Variants in XDH observed in about 807,000 individuals in gnomAD.
XDH encodes xanthine dehydrogenase.
In XDH, 138 loss-of-function variants were observed where a neutral mutation model predicts 156.1. That is an observed-to-expected ratio of 0.88 (90% confidence interval 0.77 to 1.02). XDH has a LOEUF of 1.02. XDH is among the 50% of genes least tolerant of loss of function. XDH has a pLI of 0.00. For synonymous variants in XDH, 669 were observed against 625.7 expected (o/e 1.07, Z -1.03); for missense variants, 1,849 against 1,684.9 (o/e 1.10, Z -1.71).
At chr2:31,406,206 C>G (rs1687188392) in intron 1 of XDH, among the ~76,000 whole-genome samples, 1 of 152,134 alleles carries the variant, frequency 6.6e-6, no homozygotes, top group Non-Finnish European at 1.5e-5. Flanking sequence ...GTGCCATCCC[C>G]TTAGTTGTGA....
intron 6 of XDH, among the ~76,000 whole-genome samples, chr2:31,393,931 A>G (rs895860777): frequency 6.6e-6 from 1 of 150,580 alleles, no homozygotes; most frequent in Non-Finnish European, 1.5e-5. Flanking sequence ...AATATTTCTA[A>G]TTTTTCCCTC....
chr2:31,359,716 T>C (rs559464501), intron 24 of XDH, among the ~76,000 whole-genome samples: 50 of 152,294 alleles, frequency 3.3e-4, no homozygotes, highest in Admixed American at 9.8e-4. Context: ...AGAGGAGATA[T>C]TGGGGAAGAC....
intron 33 of XDH, among the ~76,000 whole-genome samples, chr2:31,340,672 G>T (rs920879628): frequency 1.3e-5 from 2 of 152,084 alleles, no homozygotes; most frequent in Non-Finnish European, 2.9e-5. Context: ...GTTTCGCCAT[G>T]TTGTCCAAGC....
chr2:31,378,175 G>C (rs2749998), intron 13 of XDH, among the ~76,000 whole-genome samples: 2,745 of 71,512 alleles, frequency 0.038, 268 homozygotes, highest in East Asian at 0.13. Context: ...AGGAAGGAAG[G>C]AAGCAAGCAA....
At position 31,350,061 on chromosome 2, in the gene XDH, C is replaced by T. The variant is rs141291583; in HGVS notation, c.2794G>A (p.Ala932Thr). ...LIAECWMSEV[A>T]VTCGMPAEEV... is the part of the protein sequence containing the mutation. ...TCTGCAGGCATCCCACAGGTCACTG[C>T]AACTTCACTCATCCAGCACTCGGCA... Residue 932 changes from alanine to threonine, a missense_variant, in exon 25 of 36, where the codon GCA becomes ACA. By Grantham distance (58) the Ala-to-Thr change is moderately conservative. Coordinates refer to ENST00000379416, the MANE Select transcript of XDH (RefSeq NM_000379.4). The T allele has an allele frequency of 1.6e-4, 266 of 1,614,228 alleles. 1 individual carries two copies. In the East Asian group the frequency reaches 5.0e-3, roughly 31 times the overall value.
intron 24 of XDH, among the ~76,000 whole-genome samples, chr2:31,360,260 G>A (rs997570888): frequency 2.0e-5 from 3 of 152,246 alleles, no homozygotes; most frequent in Non-Finnish European, 4.4e-5. Flanking sequence ...CACTTTGGGA[G>A]GATGAGGCGG....
At position 31,341,068 on chromosome 2, in the gene XDH, G is replaced by A. The variant is rs534430734; in HGVS notation, c.3585+261C>T. 2.0e-5 allele frequency among the ~76,000 whole-genome samples: 3 copies of A among 152,300 alleles called. No individual in the cohort carries two copies. The East Asian group carries it at 5.8e-4, about 29-fold the overall frequency. The stretch of plus-strand genomic sequence containing the variant: ...TGTGTGTGCATGTTCACATGTGCAT[G>A]CCATGTTTCCTCATTTCTCATCTTG... On this transcript the variant is annotated intron_variant, in intron 33 of 35. Transcript: ENST00000379416.
At chr2:31,369,706 T>C (rs1337579407) in intron 18 of XDH, among the ~76,000 whole-genome samples, 5 of 152,248 alleles carry the variant, frequency 3.3e-5, no homozygotes, top group African/African-American at 1.2e-4. Context: ...TATGAAATGC[T>C]CTCCTCATGG....
intron 1 of XDH, among the ~76,000 whole-genome samples, chr2:31,412,018 T>C (rs1186422652): frequency 3.9e-5 from 6 of 152,144 alleles, no homozygotes; most frequent in Non-Finnish European, 8.8e-5. Flanking sequence ...TAGCTGACAC[T>C]CACTTCTTGT....
At chr2:31,393,164 C>T (rs111979110) in intron 6 of XDH, among the ~76,000 whole-genome samples, 12 of 152,124 alleles carry the variant, frequency 7.9e-5, no homozygotes, top group Admixed American at 3.9e-4. Flanking sequence ...TTGATGGTGC[C>T]GTTGAGTCCA....
rs527930152 is a variant in XDH at position 31,378,661 on chromosome 2, G to A, written c.1242+1206C>T. ...CACTCCCAGGACTGTGCCCATCCAC[G>A]GGGACATTCTCGCTGGGGTACAGTG... On this transcript the variant is annotated intron_variant, in intron 13 of 35. Transcript: ENST00000379416. Among the ~76,000 whole-genome samples, 6 of 146,700 alleles carry A rather than the reference G, an allele frequency of 4.1e-5. No individual in the cohort carries two copies. In the Middle Eastern group the frequency reaches 0.01, roughly 255 times the overall value.
chr2:31,367,719 G>C (rs1459059383), intron 20 of XDH, among the ~76,000 whole-genome samples: 1 of 152,120 alleles, frequency 6.6e-6, no homozygotes, highest in Admixed American at 6.5e-5. Context: ...TTCCGGATCA[G>C]AATACTCTAG....
intron 29 of XDH, 45 bp from the exon 30 acceptor site, chr2:31,346,888 A>G: frequency 6.2e-7 from 1 of 1,612,808 alleles, no homozygotes; most frequent in Non-Finnish European, 8.5e-7. Flanking sequence ...AGTCCTCTGC[A>G]TTCTGTAGCC....
chr2:31,346,457 G>A (rs749403628), intron 30 of XDH, among the ~76,000 whole-genome samples: 23 of 152,194 alleles, frequency 1.5e-4, no homozygotes, highest in East Asian at 3.9e-4. Flanking sequence ...AAGACAATCC[G>A]ATGAGGCATG....
intron 14 of XDH, 110 bp downstream of exon 14, chr2:31,376,943 A>G (rs1406458781): frequency 2.2e-6 from 3 of 1,382,284 alleles, no homozygotes; most frequent in African/African-American, 2.8e-5. Flanking sequence ...TTATGGTAGT[A>G]GTAGCAGCAA....
intron 14 of XDH, among the ~76,000 whole-genome samples, chr2:31,376,168 G>C (rs1686239730): frequency 6.6e-6 from 1 of 151,824 alleles, no homozygotes; most frequent in Admixed American, 6.6e-5. Flanking sequence ...CAGAGCAGTA[G>C]TAGTAGCATC....
intron 24 of XDH, among the ~76,000 whole-genome samples, chr2:31,355,783 C>A (rs1685607318): frequency 6.6e-6 from 1 of 152,088 alleles, no homozygotes; most frequent in Non-Finnish European, 1.5e-5. Context: ...ACACATCAAT[C>A]ATTATATGAT....
intron 17 of XDH, among the ~76,000 whole-genome samples, chr2:31,371,953 G>A (rs948058017): frequency 2.0e-5 from 3 of 152,214 alleles, no homozygotes; most frequent in African/African-American, 7.2e-5. Context: ...AGTTGCTCAC[G>A]TTGCTTGGCT....
At chr2:31,399,885 G>A (rs541022786) in intron 4 of XDH, among the ~76,000 whole-genome samples, 1 of 152,302 alleles carries the variant, frequency 6.6e-6, no homozygotes, top group South Asian at 2.1e-4. Flanking sequence ...TCTTGGTTAT[G>A]TCTTTATCAG....
Sources: allele counts gnomAD v4.1 joint callset (sites outside exome capture counted in the v4.1 genomes callset), GRCh38; gene constraint gnomAD v4.1.1; transcripts MANE v1.5; gene names NCBI Gene and HGNC (gene_info 2026-07-23, HGNC 2026-07-21).